The following ERP44 variants were observed in gnomAD, a reference collection of about 807,000 sequenced individuals.
The protein encoded by ERP44 is endoplasmic reticulum protein 44.
ERP44 carries 25 observed loss-of-function variants against 53.4 expected under a neutral mutation model. The observed-to-expected ratio is 0.47, with a 90% CI of 0.34 to 0.65. The LOEUF is 0.65. Ranked by LOEUF, ERP44 falls within the 30% of genes least tolerant of loss-of-function variation. ERP44 has a pLI of 0.01. For synonymous variants in ERP44, 145 were observed against 161.2 expected, an observed-to-expected ratio of 0.90 and a Z score of 0.76; for missense variants, 338 against 493.2, an observed-to-expected ratio of 0.69 and a Z score of 2.98.
chr9:100,056,843 G>C (rs549716036), intron 3 of ERP44, among the ~76,000 whole-genome samples: 1 of 152,158 alleles, frequency 6.6e-6, no homozygotes, highest in African/African-American at 2.4e-5. Context: ...AACAGCTACA[G>C]AGGGAATAAG....
chr9:100,044,398 G>C (rs898692652), intron 4 of ERP44, among the ~76,000 whole-genome samples: 1 of 151,650 alleles, frequency 6.6e-6, no homozygotes, highest in Non-Finnish European at 1.5e-5. Context: ...CCATAGGCTA[G>C]AATATTAAAT....
At chr9:100,070,011 G>A (rs1826282159) in intron 1 of ERP44, among the ~76,000 whole-genome samples, 1 of 152,150 alleles carries the variant, frequency 6.6e-6, no homozygotes, top group African/African-American at 2.4e-5. Context: ...AGCTGGGGGT[G>A]AACTTCTCAA....
intron 1 of ERP44, among the ~76,000 whole-genome samples, chr9:100,088,541 A>G (rs1479236527): frequency 6.6e-6 from 1 of 152,238 alleles, no homozygotes; most frequent in Non-Finnish European, 1.5e-5. Context: ...CTTTTTCCAC[A>G]GTACTTAAAT....
chr9:100,031,744 C>G (rs1170291616), intron 4 of ERP44, among the ~76,000 whole-genome samples: 1 of 152,068 alleles, frequency 6.6e-6, no homozygotes, highest in African/African-American at 2.4e-5. Flanking sequence ...TATTCAAGCT[C>G]TAACAGCCTG....
intron 10 of ERP44, chr9:99,998,647 C>G: frequency 2.6e-6 from 2 of 767,516 alleles, no homozygotes; most frequent in Non-Finnish European, 4.8e-6. Flanking sequence ...TCTCCACATC[C>G]CTGTGCTCTT....
intron 1 of ERP44, among the ~76,000 whole-genome samples, chr9:100,079,703 A>T (rs144406843): frequency 3.1e-4 from 47 of 152,238 alleles, no homozygotes; most frequent in Non-Finnish European, 5.6e-4. Flanking sequence ...AGCACTGCAG[A>T]GGCAGGAGGA....
Position 100,049,970 on chromosome 9 carries a change from A to G in ERP44, c.286+2447T>C, listed in dbSNP as rs762078739. On this transcript the variant is annotated intron_variant, in intron 4 of 11. Coordinates refer to ENST00000262455, the MANE Select transcript of ERP44 (RefSeq NM_015051.3). Reference sequence around the variant, plus strand: ...TTGTGGTATATAGCCACACAATAGAATGCCACTAAATAATAAGAAATAATA... The same window carrying G: ...TTGTGGTATATAGCCACACAATAGAGTGCCACTAAATAATAAGAAATAATA... 1.4e-4 allele frequency among the ~76,000 whole-genome samples: 21 copies of G among 152,190 alleles called. No homozygotes were observed. The Middle Eastern group carries it at 0.01, about 74-fold the overall frequency.
intron 1 of ERP44, among the ~76,000 whole-genome samples, chr9:100,077,955 G>GA (rs1012727631): frequency 5.9e-5 from 9 of 151,418 alleles, no homozygotes; most frequent in Non-Finnish European, 1.2e-4. Flanking sequence ...ACTCCACCAG[G>GA]AAAAAAAACA....
At chr9:100,085,356 C>T (rs1246924290) in intron 1 of ERP44, among the ~76,000 whole-genome samples, 1 of 152,198 alleles carries the variant, frequency 6.6e-6, no homozygotes, top group East Asian at 1.9e-4. Flanking sequence ...CCAACAGGTT[C>T]TCACCAAATA....
chr9:99,994,463 G>C (rs572727524), intron 10 of ERP44, among the ~76,000 whole-genome samples: 51 of 152,220 alleles, frequency 3.4e-4, no homozygotes, highest in African/African-American at 1.1e-3. Flanking sequence ...GACAACACTT[G>C]GACATGGGGC....
intron 4 of ERP44, among the ~76,000 whole-genome samples, chr9:100,042,002 A>C (rs1226747694): frequency 6.6e-6 from 1 of 152,226 alleles, no homozygotes; most frequent in Non-Finnish European, 1.5e-5. Context: ...GTGGGCAAAG[A>C]CTTCTTGAGC....
intron 10 of ERP44, among the ~76,000 whole-genome samples, chr9:99,989,900 G>A (rs7874449): frequency 0.47 from 70,721 of 152,042 alleles, 17,761 homozygotes; most frequent in East Asian, 0.9. Flanking sequence ...TAGCCGATTC[G>A]ATCCAGTGGA....
At chr9:100,051,678 A>T (rs1042164109) in intron 4 of ERP44, among the ~76,000 whole-genome samples, 1 of 152,198 alleles carries the variant, frequency 6.6e-6, no homozygotes, top group Non-Finnish European at 1.5e-5. Context: ...AGAACTACGA[A>T]ATACAATGAG....
At chr9:100,038,614 A>G (rs1317009441) in intron 4 of ERP44, among the ~76,000 whole-genome samples, 1 of 152,198 alleles carries the variant, frequency 6.6e-6, no homozygotes, top group Non-Finnish European at 1.5e-5. Flanking sequence ...GAGAAAAGAA[A>G]TAACAAAATG....
chr9:100,018,267 T>G lies in ERP44; in HGVS notation c.634A>C (p.Lys212Gln). Reference sequence around the variant, plus strand: ...AAATAGCAACTTACCCCTGGTGGTTTGTAGATTATGTTGTCGCCACTATAT... The same window carrying G: ...AAATAGCAACTTACCCCTGGTGGTTGGTAGATTATGTTGTCGCCACTATAT... ...ERYSGDNIIY[K>Q]PPGHSAPDMV... is the part of the protein sequence containing the mutation. Residue 212 changes from lysine (K) to glutamine (Q), a missense_variant, in exon 7 of 12, where the codon AAA becomes CAA. This residue lies in a region of ERP44 where 224 missense variants were observed against 301.4 expected (regional missense o/e 0.74). Coordinates refer to ENST00000262455, the MANE Select transcript of ERP44 (RefSeq NM_015051.3). 1 of 1,601,780 alleles carries G rather than the reference T, an allele frequency of 6.2e-7. No individual in the cohort carries two copies.
intron 1 of ERP44, among the ~76,000 whole-genome samples, chr9:100,095,198 T>C (rs1203263774): frequency 1.3e-5 from 2 of 152,086 alleles, no homozygotes; most frequent in Non-Finnish European, 2.9e-5. Context: ...TAGGACCACA[T>C]AAATTGAATT....
At position 100,052,353 on chromosome 9, in the gene ERP44, T is replaced by G. The variant is rs1008236691; in HGVS notation, c.286+64A>C. The G allele has an allele frequency of 1.4e-5, 10 of 697,984 alleles. No individual in the cohort carries two copies. In the African/African-American group the frequency reaches 1.7e-4, roughly 12 times the overall value. The allele number at this position is 697,984 out of a possible 1,614,324, so 43.2% of individuals were successfully genotyped here. ...AAAGAAAAGAAAAGAAAAGAAAAAATGTGTATGTGTGCCTGTGTTTGGGAT... is the reference window on the plus strand; with the variant it reads ...AAAGAAAAGAAAAGAAAAGAAAAAAGGTGTATGTGTGCCTGTGTTTGGGAT... On this transcript the variant is annotated intron_variant, in intron 4 of 11. Transcript: ENST00000262455.
chr9:100,079,129 G>T (rs1826391965), intron 1 of ERP44, among the ~76,000 whole-genome samples: 1 of 152,074 alleles, frequency 6.6e-6, no homozygotes, highest in South Asian at 2.1e-4. Context: ...TGAGTCAGTG[G>T]GCTGGGAAAG....
chr9:99,989,278 A>G (rs1013140140), intron 10 of ERP44, among the ~76,000 whole-genome samples: 1 of 152,190 alleles, frequency 6.6e-6, no homozygotes, highest in Non-Finnish European at 1.5e-5. Context: ...GACACCTCCC[A>G]GTAGGAGCCG....
Sources: gnomAD v4.1 joint callset for allele counts (sites outside exome capture counted in the v4.1 genomes callset) on GRCh38, gnomAD v4.1.1 for gene constraint, gnomAD v4.1.1 regional missense constraint, MANE v1.5 for transcripts, NCBI Gene and HGNC (gene_info 2026-07-23, HGNC 2026-07-21) for gene names.